NBAS: variants seen among roughly 807,000 people sequenced by gnomAD.
NBAS encodes NAG/BC035112 fusion.
Under a neutral mutation model 302.5 loss-of-function variants are expected in NBAS, and 219 were observed. The observed-to-expected ratio is 0.72, with a 90% confidence interval of 0.65 to 0.81. The LOEUF (loss-of-function observed/expected upper bound fraction) is 0.81. NBAS is among the 30% of genes least tolerant of loss of function. The probability of loss-of-function intolerance (pLI) is 0.00; values close to 1 mark genes in which losing one functional copy is unlikely to be tolerated. For synonymous variants in NBAS, 1,118 were observed against 1,021.6 expected, an observed-to-expected ratio of 1.09 and a Z score of -1.80; for missense variants, 2,932 against 2,841.6, an observed-to-expected ratio of 1.03 and a Z score of -0.72.
At chr2:14,946,021 G>A in the NBAS span, among the ~76,000 whole-genome samples, 7 of 152,254 alleles carry the variant, frequency 4.6e-5, no homozygotes, top group East Asian at 1.9e-4. Context: ...GCAGTGAGCC[G>A]AGACTATGCC....
chr2:15,077,715 GCT>G, the NBAS span, among the ~76,000 whole-genome samples: 1 of 142,428 alleles, frequency 7.0e-6, no homozygotes, highest in Non-Finnish European at 1.5e-5. Context: ...ATGGGGTCTC[GCT>G]CTGTTGCCTA....
the NBAS span, among the ~76,000 whole-genome samples, chr2:14,830,653 C>A: frequency 9.1e-4 from 138 of 152,134 alleles, no homozygotes; most frequent in Non-Finnish European, 3.4e-4. Flanking sequence ...TAGAAGAAAC[C>A]CCTCCTGGAA....
chr2:15,368,273 T>C (rs1194911623), intron 31 of NBAS, among the ~76,000 whole-genome samples: 1 of 149,798 alleles, frequency 6.7e-6, no homozygotes, highest in Non-Finnish European at 1.5e-5. Flanking sequence ...AATCTCGGCT[T>C]ACTGCAACCT....
the NBAS span, among the ~76,000 whole-genome samples, chr2:15,074,835 T>C: frequency 4.6e-3 from 705 of 152,236 alleles, 3 homozygotes; most frequent in African/African-American, 0.016. Flanking sequence ...CACATATGGA[T>C]AGAATTAAAT....
chr2:15,476,831 A>G (rs1323151299), intron 13 of NBAS, among the ~76,000 whole-genome samples: 1 of 152,248 alleles, frequency 6.6e-6, no homozygotes, highest in East Asian at 1.9e-4. Flanking sequence ...CCTGTTATAC[A>G]AAACATATGA....
At chr2:15,268,417 G>A (rs905747835) in intron 44 of NBAS, among the ~76,000 whole-genome samples, 4 of 152,124 alleles carry the variant, frequency 2.6e-5, no homozygotes, top group South Asian at 4.1e-4. Context: ...TTTCAAAGGC[G>A]TGGTTTTTTT....
the NBAS span, among the ~76,000 whole-genome samples, chr2:14,987,472 A>AATATATATATAT: frequency 2.0e-4 from 30 of 149,178 alleles, no homozygotes; most frequent in East Asian, 4.7e-3. Flanking sequence ...TCTTATGACA[A>AATATATATATAT]ATATATATAT....
the NBAS span, among the ~76,000 whole-genome samples, chr2:15,005,621 A>G: frequency 6.6e-6 from 1 of 152,226 alleles, no homozygotes; most frequent in Non-Finnish European, 1.5e-5. Flanking sequence ...TAAAGGCGAA[A>G]TAGGGACCAG....
chr2:14,997,900 A>G, the NBAS span, among the ~76,000 whole-genome samples: 1 of 152,332 alleles, frequency 6.6e-6, no homozygotes, highest in Non-Finnish European at 1.5e-5. Flanking sequence ...AGACATGAAC[A>G]GAGGGGCAAC....
chr2:15,489,930 A>G (rs1680785275), intron 11 of NBAS, among the ~76,000 whole-genome samples: 1 of 152,212 alleles, frequency 6.6e-6, no homozygotes, highest in Admixed American at 6.5e-5. Context: ...AGAGACCAGA[A>G]AACAGCAGCC....
chr2:15,008,769 C>G, the NBAS span, among the ~76,000 whole-genome samples: 1 of 152,190 alleles, frequency 6.6e-6, no homozygotes, highest in Admixed American at 6.5e-5. Context: ...GGAAAGCACA[C>G]ACAGCCAGAT....
At chr2:15,006,296 A>C in the NBAS span, among the ~76,000 whole-genome samples, 10 of 152,226 alleles carry the variant, frequency 6.6e-5, no homozygotes, top group Non-Finnish European at 1.5e-5. Context: ...GATTCAAAGG[A>C]ATTCTCCGGA....
the NBAS span, among the ~76,000 whole-genome samples, chr2:14,882,776 G>A: frequency 1.3e-5 from 2 of 152,082 alleles, no homozygotes; most frequent in African/African-American, 4.8e-5. Context: ...CTCTACCAGA[G>A]AAATAATAAA....
chr2:15,085,365 G>A, the NBAS span, among the ~76,000 whole-genome samples: 1 of 152,102 alleles, frequency 6.6e-6, no homozygotes, highest in African/African-American at 2.4e-5. Context: ...GCTGCGTCTC[G>A]GGGTCTGCCC....
intron 48 of NBAS, among the ~76,000 whole-genome samples, chr2:15,197,080 G>C (rs1665657881): frequency 6.6e-6 from 1 of 152,150 alleles, no homozygotes; most frequent in Admixed American, 6.5e-5. Context: ...AATTAAGAAA[G>C]CTTGCTGATA....
chr2:15,475,846 A>G lies in NBAS; in HGVS notation c.1182T>C (p.Asn394=). The change falls in exon 14 of 52, where the codon AAT becomes AAC. Residue 394 remains asparagine (N), a synonymous_variant. Coordinates refer to ENST00000281513, the MANE Select transcript of NBAS (RefSeq NM_015909.4). ...AAGTCACTGCACTGTCTGCCCACCA[A>G]TTGACATCTATCAGTGGGTAAAAGG... is the stretch of plus-strand genomic sequence containing the variant. ...KESFYPLIDV[N]WWADSAVTLA... 6.2e-7 allele frequency: 1 copy of G among 1,614,000 alleles called. No individual in the cohort carries two copies. Among genetic ancestry groups the G allele is most frequent in the Non-Finnish European group, 8.5e-7 (1 of 1,179,912 alleles).
the NBAS span, among the ~76,000 whole-genome samples, chr2:14,800,791 GTT>G: frequency 1.5e-5 from 2 of 137,926 alleles, no homozygotes; most frequent in Non-Finnish European, 1.6e-5. Flanking sequence ...AATTGTTTTT[GTT>G]TTTTTTTTTT....
the NBAS span, among the ~76,000 whole-genome samples, chr2:15,117,304 T>G: frequency 6.6e-6 from 1 of 151,888 alleles, no homozygotes; most frequent in African/African-American, 2.4e-5. Context: ...GCCATGGGAG[T>G]TCCTGGTCAG....
chr2:15,383,602 T>C (rs1478564886), intron 28 of NBAS, among the ~76,000 whole-genome samples: 1 of 152,124 alleles, frequency 6.6e-6, no homozygotes, highest in Non-Finnish European at 1.5e-5. Context: ...TGAATGGTAA[T>C]TACAGTAAAG....
Sources: gnomAD v4.1 joint callset for allele counts (sites outside exome capture counted in the v4.1 genomes callset) on GRCh38, gnomAD v4.1.1 for gene constraint, MANE v1.5 for transcripts, NCBI Gene and HGNC (gene_info 2026-07-23, HGNC 2026-07-21) for gene names.